Variants in DHX57 observed in about 807,000 individuals in gnomAD.
DHX57 encodes DExH-box helicase 57.
A neutral mutation model predicts 156.2 loss-of-function variants in DHX57; 105 were observed. The ratio of observed to expected loss-of-function variants is 0.67; its 90% CI spans 0.57 to 0.79. The LOEUF (loss-of-function observed/expected upper bound fraction) is 0.79. Among genes scored for constraint, DHX57 ranks in the 30% least tolerant of loss-of-function variants. The pLI is 0.00. For synonymous variants in DHX57, 704 were observed against 595.6 expected, an observed-to-expected ratio of 1.18 and a Z score of -2.65; for missense variants, 1,847 against 1,661.9, an observed-to-expected ratio of 1.11 and a Z score of -1.94.
chr2:38,851,997 A>G (rs1672617436), intron 9 of DHX57, among the ~76,000 whole-genome samples: 1 of 151,818 alleles, frequency 6.6e-6, no homozygotes, highest in Admixed American at 6.6e-5. Context: ...AGAGATTTCC[A>G]ATGTTTTCTG....
intron 12 of DHX57, chr2:38,838,813 C>T (rs778514212): frequency 2.2e-6 from 1 of 456,184 alleles, no homozygotes; most frequent in Non-Finnish European, 4.4e-6. Flanking sequence ...CATTAACACC[C>T]ACGGAGTCTA....
intron 13 of DHX57, among the ~76,000 whole-genome samples, chr2:38,832,543 A>G (rs1671436403): frequency 3.9e-5 from 1 of 25,524 alleles, no homozygotes; most frequent in African/African-American, 5.2e-5. Context: ...ATATATATAT[A>G]TATATATATT....
At position 38,854,188 on chromosome 2, in the gene DHX57, G is replaced by A. The variant is rs190538554; in HGVS notation, c.1906-10C>T. ...GTCTGGTGGCTGAGGACTTACACAT[G>A]AAAGGGCAATATAAATCATTAATAA... On this transcript the variant is annotated splice_polypyrimidine_tract_variant and intron_variant, in intron 8 of 23. Coordinates refer to ENST00000457308, the MANE Select transcript of DHX57 (RefSeq NM_198963.3). 333 of 1,612,014 alleles carry A rather than the reference G, an allele frequency of 2.1e-4. 1 individual carries two copies. In the African/African-American group the frequency reaches 4.2e-3, roughly 20 times the overall value.
Position 38,848,348 on chromosome 2 carries a change from T to G in DHX57, c.2085A>C (p.Gln695His). Residue 695 changes from glutamine to histidine, a missense_variant, in exon 10 of 24, where the codon CAA (glutamine) becomes CAC (histidine). Coordinates refer to ENST00000457308, the MANE Select transcript of DHX57 (RefSeq NM_198963.3). Reference sequence around the variant, plus strand: ...TTAGAGTTGCACTCATTAAAATAACTTGAAGACCTGGCCTCTGCGATACAA... The same window carrying G: ...TTAGAGTTGCACTCATTAAAATAACGTGAAGACCTGGCCTCTGCGATACAA... ...KDIVSQRPGL[Q>H]VILMSATLNA... The G allele has an allele frequency of 1.2e-6, 2 of 1,612,758 alleles. No homozygotes were observed. The highest frequency in any genetic ancestry group is 2.2e-5 in the East Asian group (1 of 44,840).
chr2:38,847,179 C>T, intron 10 of DHX57, 106 bp from the exon 11 acceptor site: 1 of 884,566 alleles, frequency 1.1e-6, no homozygotes, highest in East Asian at 2.8e-5. Flanking sequence ...TGCTAACGTC[C>T]TATTTGTTCT....
chr2:38,812,446 A>C (rs1670297362), intron 21 of DHX57, among the ~76,000 whole-genome samples: 1 of 152,238 alleles, frequency 6.6e-6, no homozygotes. Context: ...TTAGGGATGG[A>C]TAATCAAAAC....
intron 21 of DHX57, among the ~76,000 whole-genome samples, chr2:38,807,162 C>A (rs573835997): frequency 4.6e-5 from 7 of 151,874 alleles, no homozygotes; most frequent in Non-Finnish European, 8.8e-5. Flanking sequence ...TCATGCAATT[C>A]TCCTGCATTA....
In DHX57 at chr2:38,875,930, C is replaced by T. The variant is rs1665596856; in HGVS notation, c.-150G>A. On this transcript the variant is annotated 5_prime_UTR_variant, in exon 1 of 24. Coordinates refer to ENST00000457308, the MANE Select transcript of DHX57 (RefSeq NM_198963.3). ...AGCTGCAGCGGCACAGTCCCGGCGCCTTCTGATTGGCTCAGCTACAGCCCC... is the reference window on the plus strand; with the variant it reads ...AGCTGCAGCGGCACAGTCCCGGCGCTTTCTGATTGGCTCAGCTACAGCCCC... The T allele has an allele frequency of 5.0e-6, 2 of 397,490 alleles. No individual in the cohort carries two copies. The highest frequency in any genetic ancestry group is 6.2e-4 in the Middle Eastern group (1 of 1,604). 24.6% of individuals were successfully genotyped at this position (397,490 alleles called of 1,614,324 possible). A position where few individuals can be genotyped will look rare whatever the true frequency, so the allele number is the denominator to read the frequency against.
chr2:38,826,132 G>A (rs576072726), intron 15 of DHX57, 85 bp from the exon 16 acceptor site: 12 of 1,370,870 alleles, frequency 8.8e-6, no homozygotes, highest in Non-Finnish European at 1.1e-5. Context: ...AGATGAACCA[G>A]CTTCCTCCTG....
At chr2:38,814,681 T>A (rs1030882799) in intron 20 of DHX57, among the ~76,000 whole-genome samples, 1 of 152,000 alleles carries the variant, frequency 6.6e-6, no homozygotes, top group Non-Finnish European at 1.5e-5. Context: ...AGAAGCAGCA[T>A]GAAATTTAAA....
intron 14 of DHX57, among the ~76,000 whole-genome samples, 194 bp from the exon 15 acceptor site, chr2:38,826,883 C>A (rs969180945): frequency 1.2e-4 from 19 of 152,118 alleles, no homozygotes; most frequent in African/African-American, 4.3e-4. Flanking sequence ...GTAATCCCAG[C>A]ACTTTGGAAG....
At chr2:38,818,254 T>C (rs543714738) in intron 19 of DHX57, among the ~76,000 whole-genome samples, 49 of 152,150 alleles carry the variant, frequency 3.2e-4, no homozygotes, top group East Asian at 1.5e-3. Flanking sequence ...TAGCCCGGTG[T>C]GGTGTCTCAC....
intron 15 of DHX57, 126 bp downstream of exon 15, chr2:38,826,388 TAC>T: frequency 9.1e-7 from 1 of 1,101,268 alleles, no homozygotes; most frequent in Non-Finnish European, 1.3e-6. Flanking sequence ...CACATCCACG[TAC>T]AGTTTTCACA....
rs777917420 is a variant in DHX57 at position 38,862,278 on chromosome 2, G to T, written c.439C>A (p.Arg147=). The part of the protein sequence containing the change: ...DDEPDCCNDE[R]YWPAGQEPSL... ...GGTTCCTGTCCAGCTGGCCAGTACC[G>T]CTCATCGTTACAGCAATCAGGCTCA... is the stretch of plus-strand genomic sequence containing the variant. The change falls in exon 4 of 24, where the codon CGG becomes AGG. Residue 147 remains arginine (R), a synonymous_variant. Coordinates refer to ENST00000457308, the MANE Select transcript of DHX57 (RefSeq NM_198963.3). The T allele has an allele frequency of 6.2e-7, 1 of 1,610,414 alleles. No homozygotes were observed. The highest frequency in any genetic ancestry group is 2.2e-5 in the East Asian group (1 of 44,820).
Position 38,843,288 on chromosome 2 carries a change from G to A in DHX57, c.2220-78C>T. ...GGGAAAGAATTCACCTGTTTCACGT[G>A]CTCGTTCAGCAAAATGTCACTGTCT... On this transcript the variant is annotated intron_variant, in intron 11 of 23. Coordinates refer to ENST00000457308, the MANE Select transcript of DHX57 (RefSeq NM_198963.3). The A allele has an allele frequency of 2.1e-6, 3 of 1,443,996 alleles. No individual in the cohort carries two copies. The South Asian group carries it at 3.5e-5, about 17-fold the overall frequency. 89.4% of individuals were successfully genotyped at this position (1,443,996 alleles called of 1,614,324 possible). A position where few individuals can be genotyped will look rare whatever the true frequency, so the allele number is the denominator to read the frequency against.
chr2:38,867,532 C>T (rs1665141814), intron 2 of DHX57, among the ~76,000 whole-genome samples: 1 of 152,126 alleles, frequency 6.6e-6, no homozygotes, highest in Non-Finnish European at 1.5e-5. Flanking sequence ...TAGAAAGACA[C>T]AGTACAGTCA....
At chr2:38,816,622 A>G (rs1053194777) in intron 19 of DHX57, among the ~76,000 whole-genome samples, 1 of 152,212 alleles carries the variant, frequency 6.6e-6, no homozygotes, top group Non-Finnish European at 1.5e-5. Context: ...GCTGCACATC[A>G]GACAAAGAGA....
intron 15 of DHX57, 111 bp downstream of exon 15, chr2:38,826,405 A>AT (rs995709016): frequency 1.8e-5 from 23 of 1,313,628 alleles, no homozygotes; most frequent in Non-Finnish European, 2.1e-5. Context: ...TTCACAAAGT[A>AT]TTTTTTCATA....
intron 21 of DHX57, chr2:38,811,118 A>C (rs1374659900): frequency 7.3e-6 from 4 of 549,760 alleles, no homozygotes; most frequent in Admixed American, 2.4e-5. Context: ...GCTGATGTGC[A>C]TGAGGTTCTC....
Sources: allele counts gnomAD v4.1 joint callset (sites outside exome capture counted in the v4.1 genomes callset), GRCh38; gene constraint gnomAD v4.1.1; transcripts MANE v1.5; gene names NCBI Gene and HGNC (gene_info 2026-07-23, HGNC 2026-07-21).